SYNE2: variants seen among roughly 807,000 people sequenced by gnomAD.
SYNE2 encodes the protein nesprin-2.
Under a neutral mutation model 856.3 loss-of-function variants are expected in SYNE2, and 431 were observed. The ratio of observed to expected loss-of-function variants is 0.50; its 90% CI spans 0.47 to 0.55. The LOEUF (loss-of-function observed/expected upper bound fraction) is 0.55, where lower values mean the gene tolerates loss of function less well. Among genes scored for constraint, SYNE2 ranks in the 20% least tolerant of loss-of-function variants. The pLI, the probability that SYNE2 is intolerant of heterozygous loss-of-function variation, is 0.00. For missense variants in SYNE2, 8,129 were observed against 8,023.2 expected (o/e 1.01, Z -0.50); for synonymous variants, 2,923 against 2,872.3 (o/e 1.02, Z -0.56).
At chr14:64,221,444 G>C in intron 111 of SYNE2, 132 bp from the exon 112 acceptor site, 2 of 1,539,236 alleles carry the variant, frequency 1.3e-6, no homozygotes, top group Non-Finnish European at 1.8e-6. Flanking sequence ...TTTAAAGCTG[G>C]TCCTCGTATT....
intron 79 of SYNE2, among the ~76,000 whole-genome samples, chr14:64,138,541 A>G (rs1430450796): frequency 6.6e-6 from 1 of 152,146 alleles, no homozygotes; most frequent in Non-Finnish European, 1.5e-5. Context: ...GCTAGTTTAC[A>G]CATTTCTATA....
intron 23 of SYNE2, among the ~76,000 whole-genome samples, chr14:63,995,721 ATATCTATCCATCTATCTATCTATCTATC>A (rs1346889778): frequency 1.5e-5 from 2 of 136,872 alleles, no homozygotes; most frequent in African/African-American, 2.6e-5. Context: ...ATATAATTCT[ATATCTATCCATCTATCTATCTATCTATC>A]TATCTATCTA....
intron 1 of SYNE2, among the ~76,000 whole-genome samples, chr14:63,803,153 A>C (rs566140350): frequency 6.6e-6 from 1 of 152,148 alleles, no homozygotes; most frequent in South Asian, 2.1e-4. Flanking sequence ...TGCGCTAGAT[A>C]CTAAGGTTCT....
At chr14:63,784,114 A>AG (rs1243450464) in intron 1 of SYNE2, among the ~76,000 whole-genome samples, 1 of 152,220 alleles carries the variant, frequency 6.6e-6, no homozygotes, top group Non-Finnish European at 1.5e-5. Context: ...TGATGAAGCA[A>AG]GTGGTGCAAG....
intron 1 of SYNE2, among the ~76,000 whole-genome samples, chr14:63,771,380 T>C (rs890787972): frequency 2.0e-5 from 3 of 152,014 alleles, no homozygotes; most frequent in African/African-American, 7.2e-5. Flanking sequence ...CCTTATACAC[T>C]CTTGATGTGA....
intron 45 of SYNE2, among the ~76,000 whole-genome samples, chr14:64,046,608 G>A (rs568920805): frequency 1.1e-4 from 17 of 152,260 alleles, no homozygotes; most frequent in African/African-American, 3.6e-4. Flanking sequence ...CACCTACCTC[G>A]GCCTCCCAAA....
At chr14:64,012,921 C>T (rs767375207) in intron 32 of SYNE2, among the ~76,000 whole-genome samples, 1 of 152,192 alleles carries the variant, frequency 6.6e-6, no homozygotes, top group Non-Finnish European at 1.5e-5. Flanking sequence ...GAATATGATA[C>T]CACTGAGAAC....
chr14:63,970,231 C>T (rs147983853), intron 11 of SYNE2, among the ~76,000 whole-genome samples: 33 of 152,162 alleles, frequency 2.2e-4, no homozygotes, highest in Admixed American at 1.4e-3. Context: ...CTCTGTTGTC[C>T]AGACTAGAGT....
intron 3 of SYNE2, 83 bp downstream of exon 3, chr14:63,940,758 TA>T (rs1198611148): frequency 8.3e-6 from 10 of 1,209,432 alleles, no homozygotes; most frequent in South Asian, 7.5e-5. Flanking sequence ...AGGAGGCCAT[TA>T]AAAAATGGTA....
chr14:63,970,773 C>G (rs2096464706), intron 11 of SYNE2, among the ~76,000 whole-genome samples: 1 of 150,802 alleles, frequency 6.6e-6, no homozygotes, highest in African/African-American at 2.4e-5. Flanking sequence ...CTGCCTCAGC[C>G]TACCGAGTAG....
intron 79 of SYNE2, among the ~76,000 whole-genome samples, chr14:64,139,672 C>G (rs1054048713): frequency 2.0e-5 from 3 of 152,066 alleles, no homozygotes; most frequent in African/African-American, 7.2e-5. Flanking sequence ...TTCGGCCTCC[C>G]AAAGTGCTGG....
intron 1 of SYNE2, among the ~76,000 whole-genome samples, chr14:63,845,109 A>G (rs566436427): frequency 6.6e-6 from 1 of 152,238 alleles, no homozygotes; most frequent in South Asian, 2.1e-4. Context: ...TGCAAGTTCC[A>G]TTAAATCTAG....
chr14:63,813,564 G>A (rs1165471139), intron 1 of SYNE2, among the ~76,000 whole-genome samples: 2 of 152,212 alleles, frequency 1.3e-5, no homozygotes, highest in South Asian at 2.1e-4. Flanking sequence ...GGAGGCCCAG[G>A]GGGGTGGATC....
intron 74 of SYNE2, 104 bp downstream of exon 74, chr14:64,128,657 T>TTAA: frequency 1.3e-6 from 1 of 754,984 alleles, no homozygotes; most frequent in African/African-American, 1.7e-5. Flanking sequence ...GCAGCAAGGC[T>TTAA]TAAGTAAATA....
upstream of SYNE2, among the ~76,000 whole-genome samples, chr14:63,850,893 AG>A (rs1890386586): frequency 2.0e-5 from 3 of 152,220 alleles, no homozygotes; most frequent in Admixed American, 1.3e-4. Context: ...ATGATTTTGC[AG>A]GATTTACTGT....
intron 32 of SYNE2, 26 bp from the exon 33 acceptor site, chr14:64,016,447 A>C: frequency 6.8e-7 from 1 of 1,478,670 alleles, no homozygotes; most frequent in Non-Finnish European, 9.3e-7. Flanking sequence ...AAAATATCAG[A>C]AATAACTTTC....
rs557133901 is a variant in SYNE2, at chr14:64,070,749, C to A, written c.10536C>A (p.Asp3512Glu). Reference protein sequence around the residue: ...ATTEELSELLDCLCQYGENVE... With the variant: ...ATTEELSELLECLCQYGENVE... ...CAGAGGAACTCTCTGAGCTGCTAGA[C>A]TGTTTATGCCAATATGGAGAGAACG... Residue 3512 changes from aspartate to glutamate, a missense_variant, in exon 52 of 116, where the codon GAC becomes GAA. Asp to Glu is a conservative substitution (Grantham distance 45, BLOSUM62 2). Coordinates refer to ENST00000555002, the MANE Select transcript of SYNE2 (RefSeq NM_182914.3). 3.2e-5 allele frequency: 52 copies of A among 1,614,204 alleles called. 1 individual carries two copies. In the Middle Eastern group the frequency reaches 1.2e-3, roughly 36 times the overall value.
At chr14:64,223,876 C>T (rs532647381) in intron 113 of SYNE2, among the ~76,000 whole-genome samples, 2 of 152,158 alleles carry the variant, frequency 1.3e-5, no homozygotes, top group Non-Finnish European at 2.9e-5. Flanking sequence ...ATGATCTCAT[C>T]ACCGACCTGT....
At chr14:63,785,905 A>G (rs899024617) in intron 1 of SYNE2, among the ~76,000 whole-genome samples, 12 of 152,134 alleles carry the variant, frequency 7.9e-5, no homozygotes, top group African/African-American at 2.9e-4. Context: ...CAGGAGTTCA[A>G]GACCAGCCTG....
Sources: allele counts gnomAD v4.1 joint callset (sites outside exome capture counted in the v4.1 genomes callset), GRCh38; gene constraint gnomAD v4.1.1; transcripts MANE v1.5; gene names NCBI Gene and HGNC (gene_info 2026-07-23, HGNC 2026-07-21).